Variants in FGF12 observed in about 807,000 individuals in gnomAD.
FGF12 encodes the protein fibroblast growth factor 12B.
Under a neutral mutation model 23.6 loss-of-function variants are expected in FGF12, and 14 were observed. The ratio of observed to expected loss-of-function variants is 0.59; its 90% confidence interval spans 0.39 to 0.93. The LOEUF is 0.93. FGF12 is among the 40% of genes least tolerant of loss of function. The probability of loss-of-function intolerance (pLI) is 0.00; values close to 1 mark genes in which losing one functional copy is unlikely to be tolerated. For missense variants in FGF12, 175 were observed against 217.8 expected (o/e 0.80, Z 1.24); for synonymous variants, 62 against 77.3 (o/e 0.80, Z 1.04).
chr3:192,661,129 T>C (rs147691646), intron 2 of FGF12, among the ~76,000 whole-genome samples: 2 of 152,112 alleles, frequency 1.3e-5, no homozygotes, highest in Admixed American at 1.3e-4. Flanking sequence ...GGCAATATAG[T>C]CTAAAATTAT....
chr3:192,392,755 T>C (rs1720363382), intron 2 of FGF12, among the ~76,000 whole-genome samples: 1 of 152,178 alleles, frequency 6.6e-6, no homozygotes, highest in South Asian at 2.1e-4. Context: ...TTTGTTTTTT[T>C]CTCTATTGAC....
intron 5 of FGF12, among the ~76,000 whole-genome samples, chr3:192,154,580 G>A (rs1209550814): frequency 1.3e-5 from 2 of 151,642 alleles, no homozygotes; most frequent in African/African-American, 4.9e-5. Flanking sequence ...GCTGTGAGAG[G>A]TGTCAGTGTG....
intron 2 of FGF12, among the ~76,000 whole-genome samples, chr3:192,432,401 G>C (rs567148004): frequency 1.2e-4 from 19 of 152,172 alleles, no homozygotes; most frequent in Admixed American, 3.9e-4. Context: ...CCCCTAAAAT[G>C]CATACCCTAT....
intron 2 of FGF12, among the ~76,000 whole-genome samples, chr3:192,653,741 A>T (rs1716297367): frequency 7.4e-6 from 1 of 134,448 alleles, no homozygotes; most frequent in Non-Finnish European, 1.6e-5. Flanking sequence ...TTGAGACGGA[A>T]TCATGCTCTA....
rs377276461 is a variant in FGF12 at position 192,348,058 on chromosome 3, T to C, written c.124+12370A>G. On this transcript the variant is annotated intron_variant, in intron 3 of 5. Coordinates refer to ENST00000445105, the MANE Select transcript of FGF12 (RefSeq NM_004113.6). ...TAACACTATCCTGCTTCCTCAAGTA[T>C]GGGAAATGATCCCTGGTATATACTA... Among the ~76,000 whole-genome samples the C allele has an allele frequency of 6.6e-5, 10 of 152,264 alleles. No individual in the cohort carries two copies. In the East Asian group the frequency reaches 1.5e-3, roughly 23 times the overall value.
At chr3:192,197,189 T>C (rs192245923) in intron 4 of FGF12, among the ~76,000 whole-genome samples, 3 of 152,328 alleles carry the variant, frequency 2.0e-5, no homozygotes, top group African/African-American at 4.8e-5. Context: ...AATCCTAGTA[T>C]AAAAATGTAT....
intron 2 of FGF12, among the ~76,000 whole-genome samples, chr3:192,630,927 C>T (rs1217845218): frequency 6.6e-6 from 1 of 152,002 alleles, no homozygotes; most frequent in Non-Finnish European, 1.5e-5. Context: ...CTCTTCTTCC[C>T]CCCAACAGCT....
chr3:192,507,179 A>T (rs1724335412), intron 2 of FGF12, among the ~76,000 whole-genome samples: 1 of 152,112 alleles, frequency 6.6e-6, no homozygotes, highest in African/African-American at 2.4e-5. Context: ...GGCGTGAGCC[A>T]CTGTGCCCGG....
chr3:192,470,843 C>A (rs575634995), intron 2 of FGF12, among the ~76,000 whole-genome samples: 3 of 152,256 alleles, frequency 2.0e-5, no homozygotes, highest in African/African-American at 4.8e-5. Flanking sequence ...ATCTTCTGGA[C>A]AAATGAAGCA....
intron 2 of FGF12, among the ~76,000 whole-genome samples, chr3:192,396,298 A>G (rs1720515473): frequency 6.6e-6 from 1 of 152,216 alleles, no homozygotes. Context: ...CAGTATTTCT[A>G]TATTCCATTC....
At chr3:192,690,962 G>C (rs1487871830) in intron 2 of FGF12, among the ~76,000 whole-genome samples, 5 of 151,986 alleles carry the variant, frequency 3.3e-5, no homozygotes, top group African/African-American at 9.7e-5. Context: ...TAATGATGAA[G>C]GGGTCAATGC....
chr3:192,167,770 A>ATATATATATATAT lies in FGF12; in HGVS notation c.427+2687_427+2688insATATATATATATA, dbSNP rs1421281367. On this transcript the variant is annotated intron_variant, in intron 5 of 5. Coordinates refer to ENST00000445105, the MANE Select transcript of FGF12 (RefSeq NM_004113.6). ...ATATATATATATATATATATATATA[A>ATATATATATATAT]AATTTTTTTTTTTTTTTTTTTTTGA... Among the ~76,000 whole-genome samples, 30 of 9,104 alleles carry ATATATATATATAT rather than the reference A, an allele frequency of 3.3e-3. 3 individuals are homozygous for ATATATATATATAT. Among genetic ancestry groups the ATATATATATATAT allele is most frequent in the South Asian group, 6.8e-3 (1 of 148 alleles). 6.0% of individuals were successfully genotyped at this position (9,104 alleles called of 152,430 possible).
intron 2 of FGF12, among the ~76,000 whole-genome samples, chr3:192,714,651 TG>T (rs1718806588): frequency 6.6e-6 from 1 of 150,732 alleles, no homozygotes; most frequent in Admixed American, 6.6e-5. Context: ...CCCGAGTAGC[TG>T]GGACTACAGG....
Position 192,378,028 on chromosome 3 carries a change from T to TCTCTCTC in FGF12, c.14-17491_14-17490insGAGAGAG, listed in dbSNP as rs10685325. ...GATCCCTTTCTTCTGACTCTTTCTTTTCTTTCTTTCTTTCTTTCTTTCTTT... is the reference window on the plus strand; with the variant it reads ...GATCCCTTTCTTCTGACTCTTTCTTTCTCTCTCTCTTTCTTTCTTTCTTTCTTTCTTT... On this transcript the variant is annotated intron_variant, in intron 2 of 5. Transcript: ENST00000445105. Among the ~76,000 whole-genome samples, 18 of 81,650 alleles carry TCTCTCTC rather than the reference T, an allele frequency of 2.2e-4. 3 individuals are homozygous for TCTCTCTC. The highest frequency in any genetic ancestry group is 6.9e-4 in the African/African-American group (15 of 21,736). The allele number at this position is 81,650 out of a possible 152,430, so 53.6% of individuals were successfully genotyped here. A position where few individuals can be genotyped will look rare whatever the true frequency, so the allele number is the denominator to read the frequency against.
chr3:192,249,418 C>A lies in FGF12; in HGVS notation c.229-78762G>T, dbSNP rs1711853539. Among the ~76,000 whole-genome samples the A allele has an allele frequency of 3.9e-5, 6 of 152,236 alleles. No homozygotes were observed. In the South Asian group the frequency reaches 1.2e-3, roughly 32 times the overall value. On this transcript the variant is annotated intron_variant, in intron 4 of 5. Transcript: ENST00000445105. The stretch of plus-strand genomic sequence containing the variant: ...TGTGATATAATTCCTGACTCAGCCC[C>A]CACAGAATATTTAAAATATAGTAAT...
chr3:192,374,966 C>T (rs560223632), intron 2 of FGF12, among the ~76,000 whole-genome samples: 12 of 152,298 alleles, frequency 7.9e-5, no homozygotes, highest in South Asian at 4.1e-4. Context: ...ACTTTGCTAA[C>T]GAGATGCAGA....
rs937376880 is a variant in FGF12, at chr3:192,207,889, G to A, written c.229-37233C>T. 9.8e-5 allele frequency among the ~76,000 whole-genome samples: 15 copies of A among 152,286 alleles called. No homozygotes were observed. The South Asian group carries it at 3.1e-3, about 32-fold the overall frequency. On this transcript the variant is annotated intron_variant, in intron 4 of 5. Coordinates refer to ENST00000445105, the MANE Select transcript of FGF12 (RefSeq NM_004113.6). ...CAGACACGCTGAAGTGGAGGTGCCT[G>A]CAGGACACTCAGTGTAAACCACACT...
intron 2 of FGF12, among the ~76,000 whole-genome samples, chr3:192,404,682 G>A (rs184301071): frequency 2.0e-5 from 3 of 152,198 alleles, no homozygotes; most frequent in Non-Finnish European, 2.9e-5. Context: ...TGTTCTAAAG[G>A]CTTTTTCATG....
At chr3:192,726,864 G>A (rs1414144571) in intron 2 of FGF12, 1 of 422,806 alleles carries the variant, frequency 2.4e-6, no homozygotes, top group Non-Finnish European at 4.3e-6. Flanking sequence ...CCATTATACA[G>A]AAAAGATATT....
Sources: allele counts gnomAD v4.1 joint callset (sites outside exome capture counted in the v4.1 genomes callset), GRCh38; gene constraint gnomAD v4.1.1; transcripts MANE v1.5; gene names NCBI Gene and HGNC (gene_info 2026-07-23, HGNC 2026-07-21).